TANC1: variants seen among roughly 807,000 people sequenced by gnomAD.
TANC1 encodes tetratricopeptide repeat, ankyrin repeat and coiled-coil containing 1, also known as protein TANC1.
In TANC1, 77 loss-of-function variants were observed where a neutral mutation model predicts 149.7. That is an observed-to-expected ratio of 0.51 (90% CI 0.43 to 0.62). TANC1 has a LOEUF of 0.62. TANC1 is among the 20% of genes least tolerant of loss of function. The pLI, the probability that TANC1 is intolerant of heterozygous loss-of-function variation, is 0.00. For synonymous variants in TANC1, 854 were observed against 925.0 expected (o/e 0.92, Z 1.39); for missense variants, 1,985 against 2,321.8 (o/e 0.85, Z 2.98).
intron 19 of TANC1, among the ~76,000 whole-genome samples, chr2:159,205,988 G>A (rs1281753678): frequency 2.0e-5 from 3 of 152,166 alleles, no homozygotes; most frequent in South Asian, 2.1e-4. Flanking sequence ...TACTGGTTTT[G>A]GAAATTTTTT....
intron 14 of TANC1, among the ~76,000 whole-genome samples, chr2:159,181,293 ATTTTT>A (rs978143049): frequency 6.9e-6 from 1 of 145,222 alleles, no homozygotes; most frequent in Admixed American, 6.8e-5. Flanking sequence ...CCCTCATTGG[ATTTTT>A]TTGCTTTTTT....
At position 159,186,967 on chromosome 2, in the gene TANC1, C is replaced by T. The variant is rs773345103; in HGVS notation, c.2685C>T (p.Thr895=). The change falls in exon 16 of 27, where the codon ACC becomes ACT. Residue 895 remains threonine (T), a synonymous_variant. Coordinates refer to ENST00000263635, the MANE Select transcript of TANC1 (RefSeq NM_033394.3). ...AAGCCCTGTGGATCGGCTACAGCAC[C>T]GAGGGGCTGTCCGCCGCCCTGGCCT... ...HLQALWIGYS[T]EGLSAALASL... is the part of the protein sequence containing the mutation. 36 of 1,614,054 alleles carry T rather than the reference C, an allele frequency of 2.2e-5. No individual in the cohort carries two copies. Among genetic ancestry groups the T allele is most frequent in the Middle Eastern group, 1.6e-4 (1 of 6,084 alleles).
chr2:159,062,926 C>T (rs1477134336), intron 2 of TANC1, among the ~76,000 whole-genome samples: 1 of 138,740 alleles, frequency 7.2e-6, no homozygotes, highest in Non-Finnish European at 1.5e-5. Context: ...GAGATTGCAC[C>T]ACTGCAGTCC....
chr2:159,186,519 T>C (rs2056981977), intron 15 of TANC1, among the ~76,000 whole-genome samples: 1 of 152,204 alleles, frequency 6.6e-6, no homozygotes, highest in Admixed American at 6.5e-5. Flanking sequence ...GGCATGTATC[T>C]GTAATCCCAG....
At position 159,019,653 on chromosome 2, in the gene TANC1, G is replaced by GTTTTTTTTTTTTTTT. The variant is rs55746240; in HGVS notation, c.-16+18483_-16+18497dup. Among the ~76,000 whole-genome samples the GTTTTTTTTTTTTTTT allele has an allele frequency of 3.7e-4, 27 of 73,304 alleles. 4 individuals are homozygous for GTTTTTTTTTTTTTTT. The highest frequency in any genetic ancestry group is 5.4e-4 in the Non-Finnish European group (21 of 39,230). 48.1% of individuals were successfully genotyped at this position (73,304 alleles called of 152,430 possible). On this transcript the variant is annotated intron_variant, in intron 2 of 26. Coordinates refer to ENST00000263635, the MANE Select transcript of TANC1 (RefSeq NM_033394.3). ...CCTAACTGCAGCTTGCTTTCTTTCT[G>GTTTTTTTTTTTTTTT]TTTTTTTTTTTTTTTTTTTTTTTTT...
intron 2 of TANC1, chr2:159,026,982 A>G (rs1320946829): frequency 6.6e-6 from 1 of 151,854 alleles, no homozygotes; most frequent in African/African-American, 2.4e-5. Flanking sequence ...ATGATCACCT[A>G]CCCACAGCCT....
chr2:159,047,001 T>A (rs988889434), intron 2 of TANC1, among the ~76,000 whole-genome samples: 4 of 152,194 alleles, frequency 2.6e-5, no homozygotes, highest in South Asian at 2.1e-4. Flanking sequence ...TCCTTGGTGG[T>A]TTTCTTTTAG....
chr2:159,002,420 A>C lies in TANC1; in HGVS notation c.-16+1231A>C, dbSNP rs145060635. On this transcript the variant is annotated intron_variant, in intron 2 of 26. Coordinates refer to ENST00000263635, the MANE Select transcript of TANC1 (RefSeq NM_033394.3). ...AGACCAAATGCCAAGGGTGAGGGTA[A>C]ATCATGACCAATTACCTGGCTTTGT... Among the ~76,000 whole-genome samples, 4 of 152,338 alleles carry C rather than the reference A, an allele frequency of 2.6e-5. No individual in the cohort carries two copies. In the East Asian group the frequency reaches 7.7e-4, roughly 29 times the overall value.
Position 159,228,784 on chromosome 2 carries a change from T to C in TANC1, c.4051-12T>C, listed in dbSNP as rs1394771371. 4 of 1,606,834 alleles carry C rather than the reference T, an allele frequency of 2.5e-6. No homozygotes were observed. In the African/African-American group the frequency reaches 4.0e-5, roughly 16 times the overall value. Reference sequence around the variant, plus strand: ...GGCTGCTTCTGACTCCTGTATTTCTTGTCGACACCAGGACTTTGGCATGGC... The same window carrying C: ...GGCTGCTTCTGACTCCTGTATTTCTCGTCGACACCAGGACTTTGGCATGGC... On this transcript the variant is annotated splice_polypyrimidine_tract_variant and intron_variant, in intron 25 of 26. Transcript: ENST00000263635.
chr2:159,071,153 C>T (rs1304879145), intron 3 of TANC1, among the ~76,000 whole-genome samples: 1 of 152,098 alleles, frequency 6.6e-6, no homozygotes, highest in Non-Finnish European at 1.5e-5. Flanking sequence ...CTGTAATTCT[C>T]CTAGTTGTTC....
intron 17 of TANC1, among the ~76,000 whole-genome samples, chr2:159,196,399 C>G (rs1198917094): frequency 1.3e-5 from 2 of 152,184 alleles, no homozygotes; most frequent in Non-Finnish European, 2.9e-5. Context: ...CTGAATCTTG[C>G]AAAGGGAACC....
At chr2:159,006,715 T>G (rs2037216167) in intron 2 of TANC1, among the ~76,000 whole-genome samples, 1 of 152,228 alleles carries the variant, frequency 6.6e-6, no homozygotes, top group Non-Finnish European at 1.5e-5. Flanking sequence ...ACCCACAGCA[T>G]TTTTTGAAGG....
At chr2:159,213,409 G>T (rs950511326) in intron 19 of TANC1, among the ~76,000 whole-genome samples, 1 of 151,668 alleles carries the variant, frequency 6.6e-6, no homozygotes, top group Admixed American at 6.6e-5. Context: ...AACATTTTAG[G>T]TATGGGAACC....
intron 2 of TANC1, among the ~76,000 whole-genome samples, chr2:159,060,388 T>A (rs1262827853): frequency 6.6e-6 from 1 of 152,224 alleles, no homozygotes; most frequent in Non-Finnish European, 1.5e-5. Flanking sequence ...TTGGGGTAAC[T>A]GGACTGAGGT....
intron 2 of TANC1, among the ~76,000 whole-genome samples, chr2:159,023,922 C>T (rs897675524): frequency 2.6e-5 from 4 of 150,970 alleles, no homozygotes; most frequent in Non-Finnish European, 2.9e-5. Context: ...GAGCCAAGAT[C>T]GTGCCACTGC....
At chr2:159,086,583 G>A (rs1574560689) in intron 3 of TANC1, among the ~76,000 whole-genome samples, 1 of 152,302 alleles carries the variant, frequency 6.6e-6, no homozygotes, top group South Asian at 2.1e-4. Context: ...CTTGGCAGGT[G>A]TCCAATGTGG....
At chr2:159,126,058 G>C (rs953555146) in intron 4 of TANC1, among the ~76,000 whole-genome samples, 4 of 152,224 alleles carry the variant, frequency 2.6e-5, no homozygotes, top group South Asian at 4.2e-4. Context: ...TTCTGCTTTC[G>C]AGGGTCTGTG....
chr2:158,977,497 C>T (rs2033828292), intron 1 of TANC1, among the ~76,000 whole-genome samples: 1 of 151,870 alleles, frequency 6.6e-6, no homozygotes, highest in African/African-American at 2.4e-5. Flanking sequence ...TTTTCATAGA[C>T]ATGGGGTTTC....
intron 19 of TANC1, among the ~76,000 whole-genome samples, chr2:159,215,097 C>T (rs945791592): frequency 2.0e-5 from 3 of 152,160 alleles, no homozygotes; most frequent in African/African-American, 7.2e-5. Context: ...GCTGCCTTAC[C>T]GTTCTGGAAG....
Sources: gnomAD v4.1 joint callset for allele counts (sites outside exome capture counted in the v4.1 genomes callset) on GRCh38, gnomAD v4.1.1 for gene constraint, MANE v1.5 for transcripts, NCBI Gene and HGNC (gene_info 2026-07-23, HGNC 2026-07-21) for gene names.